Variants in PIK3R4 observed in about 807,000 individuals in gnomAD.
PIK3R4 encodes the protein phosphoinositide 3-kinase regulatory subunit 4.
PIK3R4 carries 46 observed loss-of-function variants against 136.5 expected under a neutral mutation model. That is an observed-to-expected ratio of 0.34 (90% CI 0.27 to 0.43). The LOEUF (loss-of-function observed/expected upper bound fraction) is 0.43. Among genes scored for constraint, PIK3R4 ranks in the 20% least tolerant of loss-of-function variants. The probability of loss-of-function intolerance (pLI) is 1.00; values close to 1 mark genes in which losing one functional copy is unlikely to be tolerated. For synonymous variants in PIK3R4, 557 were observed against 566.7 expected, an observed-to-expected ratio of 0.98 and a Z score of 0.24; for missense variants, 1,331 against 1,649.5, an observed-to-expected ratio of 0.81 and a Z score of 3.35.
intron 12 of PIK3R4, among the ~76,000 whole-genome samples, chr3:130,704,689 G>T (rs1161364304): frequency 6.6e-6 from 1 of 152,114 alleles, no homozygotes; most frequent in East Asian, 1.9e-4. Flanking sequence ...AGATAGTTGA[G>T]TCAGATTTTC....
chr3:130,686,497 A>T (rs927032222), intron 14 of PIK3R4, 75 bp from the exon 15 acceptor site: 1 of 877,064 alleles, frequency 1.1e-6, no homozygotes, highest in Non-Finnish European at 1.9e-6. Context: ...AGATGACTTT[A>T]TATCCTATCC....
intron 13 of PIK3R4, among the ~76,000 whole-genome samples, chr3:130,691,779 G>T: frequency 6.8e-6 from 1 of 146,906 alleles, no homozygotes; most frequent in Non-Finnish European, 1.5e-5. Context: ...CCTTCAAAAG[G>T]TTTTCTATAC....
At chr3:130,700,344 T>A (rs942990473) in intron 13 of PIK3R4, among the ~76,000 whole-genome samples, 1 of 152,230 alleles carries the variant, frequency 6.6e-6, no homozygotes, top group East Asian at 1.9e-4. Flanking sequence ...TTAGATATTT[T>A]ACTACCACCC....
At position 130,735,935 on chromosome 3, in the gene PIK3R4, A is replaced by G. The variant is rs747374463; in HGVS notation, c.801T>C (p.Tyr267=). The change falls in exon 3 of 20, where the codon TAT becomes TAC. Residue 267 remains tyrosine (Y), a synonymous_variant. Coordinates refer to ENST00000356763, the MANE Select transcript of PIK3R4 (RefSeq NM_014602.3). ...GTTCAGGGAAAAAATGTCCATTTCT[A>G]TAAGCCAAAAGTTGAGAGAGATCAA... ...PLFDLSQLLA[Y]RNGHFFPEQV... The G allele has an allele frequency of 5.0e-6, 8 of 1,612,964 alleles. No homozygotes were observed. The highest frequency in any genetic ancestry group is 6.8e-6 in the Non-Finnish European group (8 of 1,179,454).
At chr3:130,730,190 T>C in intron 5 of PIK3R4, 118 bp downstream of exon 5, 1 of 755,338 alleles carries the variant, frequency 1.3e-6, no homozygotes, top group Non-Finnish European at 2.1e-6. Flanking sequence ...TCTTCCTATC[T>C]AATATATAGA....
intron 2 of PIK3R4, among the ~76,000 whole-genome samples, chr3:130,743,098 T>C (rs2066832877): frequency 6.6e-6 from 1 of 152,150 alleles, no homozygotes; most frequent in Non-Finnish European, 1.5e-5. Context: ...ATCCCAGATT[T>C]CTATGCCCAA....
chr3:130,739,954 G>A (rs946861634), intron 2 of PIK3R4, among the ~76,000 whole-genome samples: 1 of 152,164 alleles, frequency 6.6e-6, no homozygotes, highest in African/African-American at 2.4e-5. Flanking sequence ...GGGTGACATA[G>A]AGAATGCATG....
chr3:130,732,252 G>C (rs774907215), intron 4 of PIK3R4, among the ~76,000 whole-genome samples: 3 of 152,172 alleles, frequency 2.0e-5, no homozygotes, highest in Non-Finnish European at 2.9e-5. Flanking sequence ...ACCTAGAGCA[G>C]ATTTTTCAAT....
At chr3:130,734,262 C>T (rs2066774393) in intron 3 of PIK3R4, 132 bp from the exon 4 acceptor site, 4 of 683,378 alleles carry the variant, frequency 5.9e-6, no homozygotes, top group African/African-American at 5.5e-5. Context: ...ATTTGTGACT[C>T]CATCATCCTA....
In PIK3R4 at chr3:130,734,127, T is replaced by C; in HGVS notation, c.871A>G (p.Thr291Ala). The change falls in exon 4 of 20, where the codon ACT becomes GCT. Residue 291 changes from threonine (T) to alanine (A), a missense_variant. Physicochemically the swap from Thr to Ala is moderately conservative, Grantham distance 58. Coordinates refer to ENST00000356763, the MANE Select transcript of PIK3R4 (RefSeq NM_014602.3). Reference sequence around the variant, plus strand: ...TCTGGCTCACGGTGAATCATCTGAGTTACCTATACCAAGGGAAGAAAAGGA... The same window carrying C: ...TCTGGCTCACGGTGAATCATCTGAGCTACCTATACCAAGGGAAGAAAAGGA... The part of the protein sequence containing the change: ...IEDHSIRELV[T>A]QMIHREPDKR... 1 of 1,605,812 alleles carries C rather than the reference T, an allele frequency of 6.2e-7. No individual in the cohort carries two copies. Among genetic ancestry groups the C allele is most frequent in the African/African-American group, 1.3e-5 (1 of 74,498 alleles).
At chr3:130,731,928 T>G (rs890348633) in intron 4 of PIK3R4, among the ~76,000 whole-genome samples, 1 of 152,206 alleles carries the variant, frequency 6.6e-6, no homozygotes, top group Non-Finnish European at 1.5e-5. Flanking sequence ...AAGTCAAAGC[T>G]GCAGTGAGCC....
chr3:130,713,943 A>T lies in PIK3R4; in HGVS notation c.2331+2453T>A, dbSNP rs192577819. On this transcript the variant is annotated intron_variant, in intron 9 of 19. Transcript: ENST00000356763. ...CGCCTCAGCCTCCCAAAGTGCTGAG[A>T]TTACAGGCATGAGCCACCGCGCCGG... Among the ~76,000 whole-genome samples the T allele has an allele frequency of 1.6e-4, 25 of 152,292 alleles. 1 individual carries two copies. The highest frequency in any genetic ancestry group is 8.5e-4 in the Admixed American group (13 of 15,296).
chr3:130,732,024 G>T (rs1308241556), intron 4 of PIK3R4, among the ~76,000 whole-genome samples: 1 of 152,054 alleles, frequency 6.6e-6, no homozygotes, highest in Admixed American at 6.6e-5. Context: ...ACTGACCCTG[G>T]GTTATCACGG....
At chr3:130,711,572 C>A (rs749958902) in intron 9 of PIK3R4, among the ~76,000 whole-genome samples, 8 of 152,188 alleles carry the variant, frequency 5.3e-5, no homozygotes, top group Non-Finnish European at 1.0e-4. Flanking sequence ...ATAGAAAGAA[C>A]AACACAAGGT....
At chr3:130,680,873 A>G in intron 18 of PIK3R4, 104 bp downstream of exon 18, 1 of 761,742 alleles carries the variant, frequency 1.3e-6, no homozygotes, top group Non-Finnish European at 2.2e-6. Flanking sequence ...ATAAAGTATT[A>G]ACAGCTGTCC....
chr3:130,697,639 C>T (rs140524891), intron 13 of PIK3R4, among the ~76,000 whole-genome samples: 40 of 152,110 alleles, frequency 2.6e-4, no homozygotes, highest in African/African-American at 9.2e-4. Context: ...TGTCTCTTCC[C>T]TCCTCCCTCA....
chr3:130,734,213 T>C, intron 3 of PIK3R4, 83 bp from the exon 4 acceptor site: 1 of 1,126,234 alleles, frequency 8.9e-7, no homozygotes, highest in Non-Finnish European at 1.3e-6. Flanking sequence ...GCAATTTACA[T>C]ACGATTTAAA....
At chr3:130,707,277 T>A in intron 10 of PIK3R4, 142 bp from the exon 11 acceptor site, 1 of 504,468 alleles carries the variant, frequency 2.0e-6, no homozygotes, top group Non-Finnish European at 3.4e-6. Context: ...GATTTCTAAT[T>A]TATTCATATT....
rs2066846043 is a variant in PIK3R4 at position 130,745,258 on chromosome 3, A to G, written c.-40T>C. 6.6e-7 allele frequency: 1 copy of G among 1,519,914 alleles called. No homozygotes were observed. The highest frequency in any genetic ancestry group is 2.3e-5 in the East Asian group (1 of 44,198). 94.2% of individuals were successfully genotyped at this position (1,519,914 alleles called of 1,614,324 possible). A position where few individuals can be genotyped will look rare whatever the true frequency, so the allele number is the denominator to read the frequency against. ...CTGTGGTCTTTAGTAAGGTTAGGAT[A>G]TAATACCTGTTTAAAATAAAAACAA... On this transcript the variant is annotated 5_prime_UTR_variant, in exon 2 of 20. Coordinates refer to ENST00000356763, the MANE Select transcript of PIK3R4 (RefSeq NM_014602.3).
Sources: gnomAD v4.1 joint callset for allele counts (sites outside exome capture counted in the v4.1 genomes callset) on GRCh38, gnomAD v4.1.1 for gene constraint, MANE v1.5 for transcripts, NCBI Gene and HGNC (gene_info 2026-07-23, HGNC 2026-07-21) for gene names.